The following MTIF2 variants were observed in gnomAD, a reference collection of about 807,000 sequenced individuals.
The protein encoded by MTIF2 is mitochondrial translational initiation factor 2.
In MTIF2, 71 loss-of-function variants were observed where a neutral mutation model predicts 83.5. That is an observed-to-expected ratio of 0.85 (90% CI 0.70 to 1.04). The LOEUF is 1.04. MTIF2 is among the 50% of genes least tolerant of loss of function. MTIF2 has a pLI of 0.00. For missense variants in MTIF2, 957 were observed against 846.5 expected (o/e 1.13, Z -1.62); for synonymous variants, 319 against 287.1 (o/e 1.11, Z -1.12).
intron 3 of MTIF2, among the ~76,000 whole-genome samples, chr2:55,266,698 A>AGAAATTAAG (rs1678454691): frequency 6.7e-6 from 1 of 149,546 alleles, no homozygotes; most frequent in African/African-American, 2.4e-5. Context: ...ATGTGACCAA[A>AGAAATTAAG]GAAATTAAGG....
intron 9 of MTIF2, among the ~76,000 whole-genome samples, chr2:55,247,390 A>G (rs544268737): frequency 6.6e-6 from 1 of 152,060 alleles, no homozygotes; most frequent in Non-Finnish European, 1.5e-5. Context: ...CATCTCTACT[A>G]AAAATACAAA....
At chr2:55,244,688 G>A (rs1213534798) in intron 10 of MTIF2, among the ~76,000 whole-genome samples, 1 of 151,956 alleles carries the variant, frequency 6.6e-6, no homozygotes, top group Admixed American at 6.6e-5. Flanking sequence ...GCCAAGGTGG[G>A]TGGATTGCTT....
intron 5 of MTIF2, among the ~76,000 whole-genome samples, chr2:55,256,299 T>TAC (rs1299460096): frequency 6.7e-5 from 3 of 44,612 alleles, no homozygotes; most frequent in Non-Finnish European, 1.5e-4. Flanking sequence ...CATACACACA[T>TAC]ATACACACAC....
intron 7 of MTIF2, 42 bp from the exon 8 acceptor site, chr2:55,252,695 G>C: frequency 6.8e-7 from 1 of 1,478,448 alleles, no homozygotes; most frequent in South Asian, 1.2e-5. Flanking sequence ...ATTCAAACAT[G>C]TACTTCCTTA....
rs143898807 is a variant in MTIF2 at position 55,263,665 on chromosome 2, T to C, written c.194A>G (p.Gln65Arg). The change falls in exon 4 of 16, where the codon CAG (glutamine) becomes CGG (arginine). Residue 65 changes from glutamine to arginine, a missense_variant. By Grantham distance (43) the Gln-to-Arg change is conservative. Transcript: ENST00000263629. Reference sequence around the variant, plus strand: ...CTTTTTTGTTACTAGAAGCCTATACTGAGATAAAGCAGCCCCAGTGAGCAC... The same window carrying C: ...CTTTTTTGTTACTAGAAGCCTATACCGAGATAAAGCAGCCCCAGTGAGCAC... ...TDVLTGAALS[Q>R]YRLLVTKKEE... is the part of the protein sequence containing the mutation. 94 of 1,613,012 alleles carry C rather than the reference T, an allele frequency of 5.8e-5. No individual in the cohort carries two copies. The African/African-American group carries it at 8.4e-4, about 14-fold the overall frequency.
At chr2:55,254,981 AT>A (rs1193103513) in intron 5 of MTIF2, among the ~76,000 whole-genome samples, 156 bp from the exon 6 acceptor site, 2 of 152,152 alleles carry the variant, frequency 1.3e-5, no homozygotes, top group Non-Finnish European at 2.9e-5. Flanking sequence ...AAGCTAAAAA[AT>A]GTTTTTTAAT....
At chr2:55,245,709 T>C (rs1266297060) in intron 10 of MTIF2, among the ~76,000 whole-genome samples, 1 of 151,890 alleles carries the variant, frequency 6.6e-6, no homozygotes, top group Non-Finnish European at 1.5e-5. Flanking sequence ...TTAAATATGG[T>C]TAACATAATA....
rs1235014180 is a variant in MTIF2, at chr2:55,244,187, A to C, written c.1153T>G (p.Ser385Ala). ...CAACATTTTCCAGCAACCAGAACAG[A>C]GCCTTTTCTTAAAGTTCCTCTTTGA... ...IIQRGTLRKG[S>A]VLVAGKCWAK... Residue 385 changes from serine to alanine, a missense_variant, in exon 11 of 16, where the codon TCT becomes GCT. Transcript: ENST00000263629. 1 of 1,613,986 alleles carries C rather than the reference A, an allele frequency of 6.2e-7. No homozygotes were observed. The highest frequency in any genetic ancestry group is 8.5e-7 in the Non-Finnish European group (1 of 1,179,986).
At chr2:55,262,473 T>C in intron 4 of MTIF2, 46 bp from the exon 5 acceptor site, 1 of 1,221,360 alleles carries the variant, frequency 8.2e-7, no homozygotes, top group Non-Finnish European at 1.2e-6. Context: ...AGAAAAAACT[T>C]AAGTGACAAT....
chr2:55,261,628 G>A (rs1678002044), intron 5 of MTIF2, among the ~76,000 whole-genome samples: 1 of 151,546 alleles, frequency 6.6e-6, no homozygotes, highest in African/African-American at 2.4e-5. Flanking sequence ...AATAAAAAGA[G>A]TGAAAAAAAG....
intron 8 of MTIF2, among the ~76,000 whole-genome samples, chr2:55,249,745 T>C (rs1423722822): frequency 1.3e-5 from 2 of 152,090 alleles, no homozygotes; most frequent in African/African-American, 4.8e-5. Flanking sequence ...GTTAAAAGTA[T>C]AATTATAAGC....
chr2:55,249,462 A>G lies in MTIF2; in HGVS notation c.914T>C (p.Leu305Pro). 6.2e-7 allele frequency: 1 copy of G among 1,614,198 alleles called. No individual in the cohort carries two copies. Among genetic ancestry groups the G allele is most frequent in the Admixed American group, 1.7e-5 (1 of 60,020 alleles). ...ADPEKVKKEL[L>P]AYDVVCEDYG... ...ATCTTCACATACCACATCGTAAGCC[A>G]GCAGCTCTTTTTTCACTTTCTCAGG... Residue 305 changes from leucine (L) to proline (P), a missense_variant, in exon 9 of 16, where the codon CTG (leucine) becomes CCG (proline). This residue lies in a region of MTIF2 where 733 missense variants were observed against 648.7 expected (regional missense o/e 1.13). Coordinates refer to ENST00000263629, the MANE Select transcript of MTIF2 (RefSeq NM_002453.3).
chr2:55,243,466 G>A lies in MTIF2; in HGVS notation c.1514C>T (p.Pro505Leu). 5 of 1,612,534 alleles carry A rather than the reference G, an allele frequency of 3.1e-6. No homozygotes were observed. Among genetic ancestry groups the A allele is most frequent in the Non-Finnish European group, 4.2e-6 (5 of 1,178,964 alleles). Residue 505 changes from proline (P) to leucine (L), a missense_variant, in exon 12 of 16, where the codon CCA (proline) becomes CTA (leucine). By Grantham distance (98) the Pro-to-Leu change is moderately conservative. This residue lies in a region of MTIF2 where 733 missense variants were observed against 648.7 expected (regional missense o/e 1.13). Transcript: ENST00000263629. The part of the protein sequence containing the change: ...LERKEQIPLK[P>L]KEKRERDSNV... ...TGAATCTCTTTCCCTTTTCTCTTTT[G>A]GCTTTAAGGGTATTTGTTCTTTTCT... is the stretch of plus-strand genomic sequence containing the variant.
At chr2:55,248,989 T>C (rs1015163282) in intron 9 of MTIF2, among the ~76,000 whole-genome samples, 2 of 152,088 alleles carry the variant, frequency 1.3e-5, no homozygotes, top group East Asian at 3.9e-4. Flanking sequence ...ATTTAAAAAT[T>C]AGCTAGGCAT....
intron 14 of MTIF2, among the ~76,000 whole-genome samples, chr2:55,238,892 C>T (rs746494041): frequency 3.3e-5 from 5 of 152,140 alleles, no homozygotes; most frequent in South Asian, 2.1e-4. Context: ...AATCTCTGTA[C>T]GATCATGTTG....
At chr2:55,253,950 A>G in intron 7 of MTIF2, 91 bp downstream of exon 7, 7 of 1,353,562 alleles carry the variant, frequency 5.2e-6, no homozygotes, top group Non-Finnish European at 7.1e-6. Flanking sequence ...CTTCTCTTGT[A>G]CTTTGAATTT....
At chr2:55,262,645 C>A (rs1437145061) in intron 4 of MTIF2, among the ~76,000 whole-genome samples, 1 of 148,070 alleles carries the variant, frequency 6.8e-6, no homozygotes, top group Non-Finnish European at 1.5e-5. Context: ...TGGGTTCAAG[C>A]CATTCTCCTG....
chr2:55,250,417 C>CAA (rs377703766), intron 8 of MTIF2, among the ~76,000 whole-genome samples: 3 of 100,240 alleles, frequency 3.0e-5, no homozygotes, highest in Non-Finnish European at 6.3e-5. Flanking sequence ...AGATAATCTC[C>CAA]AAAAAAAAAA....
At chr2:55,260,692 A>C (rs923415821) in intron 5 of MTIF2, among the ~76,000 whole-genome samples, 51 of 152,044 alleles carry the variant, frequency 3.4e-4, no homozygotes, top group Non-Finnish European at 5.9e-4. Context: ...TCTAAACCTC[A>C]CCTTCCCAGC....
Sources: allele counts gnomAD v4.1 joint callset (sites outside exome capture counted in the v4.1 genomes callset), GRCh38; gene constraint gnomAD v4.1.1; regional missense constraint gnomAD v4.1.1; transcripts MANE v1.5; gene names NCBI Gene and HGNC (gene_info 2026-07-23, HGNC 2026-07-21).